Variants in PARM1 observed in about 807,000 individuals in gnomAD.
The protein encoded by PARM1 is prostate androgen-regulated mucin-like protein 1, also known as WSC4, cell wall integrity and stress response component 4 homolog.
In PARM1, 14 loss-of-function variants were observed where a neutral mutation model predicts 24.6. That is an observed-to-expected ratio of 0.57 (90% CI 0.38 to 0.89). The LOEUF is 0.89. PARM1 is among the 40% of genes least tolerant of loss of function. The pLI, the probability that PARM1 is intolerant of heterozygous loss-of-function variation, is 0.00. For synonymous variants in PARM1, 179 were observed against 156.6 expected (o/e 1.14, Z -1.07); for missense variants, 362 against 380.4 (o/e 0.95, Z 0.40).
In PARM1 at chr4:75,049,416, CTAA is replaced by C. The variant is rs1353931991; in HGVS notation, c.*3171_*3173del. 1 of 152,156 alleles carries C rather than the reference CTAA, an allele frequency of 6.6e-6. No individual in the cohort carries two copies. The highest frequency in any genetic ancestry group is 2.4e-5 in the African/African-American group (1 of 41,428). The allele number at this position is 152,156 out of a possible 1,614,324, so 9.4% of individuals were successfully genotyped here. A position where few individuals can be genotyped will look rare whatever the true frequency, so the allele number is the denominator to read the frequency against. On this transcript the variant is annotated 3_prime_UTR_variant, in exon 4 of 4. Transcript: ENST00000307428. Reference sequence around the variant, plus strand: ...TCTCAGTTTCTTGTTTGCTGTGATACTAATGTGTTGTTTTAACTTATTCCATAA... The same window carrying C: ...TCTCAGTTTCTTGTTTGCTGTGATACTGTGTTGTTTTAACTTATTCCATAA...
At chr4:74,962,619 A>G (rs1222180134) in intron 1 of PARM1, among the ~76,000 whole-genome samples, 1 of 152,232 alleles carries the variant, frequency 6.6e-6, no homozygotes, top group Non-Finnish European at 1.5e-5. Context: ...AAAGTATGCC[A>G]TGCAAACAAG....
intron 1 of PARM1, among the ~76,000 whole-genome samples, chr4:74,962,744 G>A (rs983084712): frequency 1.3e-5 from 2 of 152,200 alleles, no homozygotes; most frequent in African/African-American, 4.8e-5. Context: ...AATGGTGGCT[G>A]CTAAGGGTTG....
At chr4:75,034,924 G>A (rs1411054403) in intron 3 of PARM1, 1 of 152,520 alleles carries the variant, frequency 6.6e-6, no homozygotes, top group African/African-American at 2.4e-5. Context: ...CAGTCATCCT[G>A]GACCGTGCCT....
chr4:75,029,891 T>A (rs1036823764), intron 2 of PARM1, among the ~76,000 whole-genome samples: 14 of 151,698 alleles, frequency 9.2e-5, no homozygotes, highest in African/African-American at 3.1e-4. Flanking sequence ...AAAAAAAAAA[T>A]TCTGGTAATC....
chr4:74,947,145 T>C (rs1181776769), intron 1 of PARM1, among the ~76,000 whole-genome samples: 1 of 152,218 alleles, frequency 6.6e-6, no homozygotes, highest in Non-Finnish European at 1.5e-5. Context: ...CTACATCTCC[T>C]AATGGAAGAA....
chr4:74,954,401 G>A lies in PARM1; in HGVS notation c.43+21031G>A, dbSNP rs2109986008. Among the ~76,000 whole-genome samples the A allele has an allele frequency of 2.0e-5, 3 of 152,284 alleles. No individual in the cohort carries two copies. In the Middle Eastern group the frequency reaches 0.01, roughly 518 times the overall value. ...GTCTATTCTGTTCCAACTTTACCAA[G>A]AATGACAGCTAGGATTTGAAAGTGT... On this transcript the variant is annotated intron_variant, in intron 1 of 3. Coordinates refer to ENST00000307428, the MANE Select transcript of PARM1 (RefSeq NM_015393.4).
chr4:75,026,311 G>C (rs1016201338), intron 2 of PARM1, among the ~76,000 whole-genome samples: 1 of 152,202 alleles, frequency 6.6e-6, no homozygotes, highest in African/African-American at 2.4e-5. Flanking sequence ...TCAGTCTAGA[G>C]AGTAGGCAGA....
At chr4:75,006,213 T>C (rs2109790035) in intron 1 of PARM1, among the ~76,000 whole-genome samples, 1 of 152,306 alleles carries the variant, frequency 6.6e-6, no homozygotes, top group East Asian at 1.9e-4. Flanking sequence ...TACATATGTA[T>C]ACATGTGCCA....
chr4:75,011,427 G>C (rs187380429), intron 1 of PARM1, among the ~76,000 whole-genome samples: 35 of 152,068 alleles, frequency 2.3e-4, no homozygotes, highest in Admixed American at 5.9e-4. Flanking sequence ...GGTGAATGGG[G>C]GTCCCATCTA....
intron 1 of PARM1, among the ~76,000 whole-genome samples, chr4:74,998,633 AGGTTACC>A (rs1340378477): frequency 6.6e-6 from 1 of 152,228 alleles, no homozygotes; most frequent in Non-Finnish European, 1.5e-5. Context: ...CAAAATTAAT[AGGTTACC>A]TTAATAACAT....
At chr4:74,936,373 C>T (rs77309928) in intron 1 of PARM1, among the ~76,000 whole-genome samples, 4,858 of 152,214 alleles carry the variant, frequency 0.032, 104 homozygotes, top group Non-Finnish European at 0.048. Context: ...CCACATTTAT[C>T]CCTCTCCTGC....
At chr4:74,984,102 C>T (rs1722308232) in intron 1 of PARM1, among the ~76,000 whole-genome samples, 1 of 152,148 alleles carries the variant, frequency 6.6e-6, no homozygotes. Flanking sequence ...GGTGTCTGGA[C>T]CATTCAGAGT....
At chr4:74,993,363 A>G (rs1025833975) in intron 1 of PARM1, among the ~76,000 whole-genome samples, 11 of 152,196 alleles carry the variant, frequency 7.2e-5, no homozygotes, top group Admixed American at 4.6e-4. Context: ...TTCTTCCCCA[A>G]TTGAGCCTAA....
At chr4:75,020,472 C>G (rs1723069994) in intron 2 of PARM1, among the ~76,000 whole-genome samples, 1 of 149,326 alleles carries the variant, frequency 6.7e-6, no homozygotes, top group Admixed American at 6.6e-5. Flanking sequence ...ACCGCAATAG[C>G]CTCTCAACTG....
intron 1 of PARM1, among the ~76,000 whole-genome samples, chr4:74,980,219 A>G (rs1425821540): frequency 1.3e-5 from 2 of 152,214 alleles, no homozygotes; most frequent in East Asian, 3.8e-4. Flanking sequence ...AGAAAACCTC[A>G]TCATCTCCGC....
At position 75,012,734 on chromosome 4, in the gene PARM1, TAAC is replaced by T. The variant is rs1012034650; in HGVS notation, c.357_359del (p.Thr121del). On this transcript the variant is annotated inframe_deletion, in exon 2 of 4. Transcript: ENST00000307428. The stretch of plus-strand genomic sequence containing the variant: ...TCGTCAACAAGCGGTGGAGTCCACT[TAAC>T]AACCACGTTGGAGGAACACAGCTCG... 2.5e-6 allele frequency: 4 copies of T among 1,613,814 alleles called. No individual in the cohort carries two copies. Among genetic ancestry groups the T allele is most frequent in the African/African-American group, 1.3e-5 (1 of 74,904 alleles).
chr4:74,947,512 G>A (rs75139439), intron 1 of PARM1, among the ~76,000 whole-genome samples: 1 of 152,298 alleles, frequency 6.6e-6, no homozygotes, highest in African/African-American at 2.4e-5. Flanking sequence ...GATGACATTT[G>A]TAAGACGATG....
Position 75,010,124 on chromosome 4 carries a change from C to T in PARM1, c.44-2301C>T, listed in dbSNP as rs539450889. Among the ~76,000 whole-genome samples, 52 of 152,158 alleles carry T rather than the reference C, an allele frequency of 3.4e-4. 2 individuals are homozygous for T. In the South Asian group the frequency reaches 1.0e-2, roughly 29 times the overall value. ...GCCCAAGTATCTATCAGTGTATGAA[C>T]GGATAAACAAAATGTGATACATACA... On this transcript the variant is annotated intron_variant, in intron 1 of 3. Transcript: ENST00000307428.
chr4:74,972,038 G>C (rs1024960618), intron 1 of PARM1, among the ~76,000 whole-genome samples: 3 of 152,240 alleles, frequency 2.0e-5, no homozygotes, highest in African/African-American at 7.2e-5. Flanking sequence ...GGGTGTGGCT[G>C]TAAGTCTGCA....
Sources: allele counts gnomAD v4.1 joint callset (sites outside exome capture counted in the v4.1 genomes callset), GRCh38; gene constraint gnomAD v4.1.1; transcripts MANE v1.5; gene names NCBI Gene and HGNC (gene_info 2026-07-23, HGNC 2026-07-21).